Variants in RAB6A observed in about 807,000 individuals in gnomAD.
The protein encoded by RAB6A is ras-related protein Rab-6A.
Under a neutral mutation model 32.3 loss-of-function variants are expected in RAB6A, and 8 were observed. The observed-to-expected ratio is 0.25, with a 90% CI of 0.15 to 0.45. The LOEUF (loss-of-function observed/expected upper bound fraction) is 0.45. Among genes scored for constraint, RAB6A ranks in the 20% least tolerant of loss-of-function variants. RAB6A has a pLI of 1.00. For synonymous variants in RAB6A, 73 were observed against 82.1 expected (o/e 0.89, Z 0.60); for missense variants, 104 against 249.4 (o/e 0.42, Z 3.93).
chr11:73,724,349 G>T (rs1394670891), intron 2 of RAB6A, among the ~76,000 whole-genome samples: 1 of 152,088 alleles, frequency 6.6e-6, no homozygotes, highest in Non-Finnish European at 1.5e-5. Flanking sequence ...AAATTTTATA[G>T]TATATAAGTC....
intron 1 of RAB6A, among the ~76,000 whole-genome samples, chr11:73,732,683 C>A (rs1946334706): frequency 6.6e-6 from 1 of 152,172 alleles, no homozygotes; most frequent in African/African-American, 2.4e-5. Flanking sequence ...TCGCTTGAAT[C>A]TGGGAGGCAG....
chr11:73,688,493 T>C (rs1945495602), intron 6 of RAB6A, among the ~76,000 whole-genome samples: 1 of 152,212 alleles, frequency 6.6e-6, no homozygotes, highest in Admixed American at 6.5e-5. Context: ...TCTGTGTCCA[T>C]CACGTTCTGG....
chr11:73,741,061 T>C (rs1946488341), intron 1 of RAB6A, among the ~76,000 whole-genome samples: 1 of 152,132 alleles, frequency 6.6e-6, no homozygotes, highest in African/African-American at 2.4e-5. Flanking sequence ...AGATCTACAG[T>C]ATGAGTTTCC....
chr11:73,752,280 A>C (rs565149151), intron 1 of RAB6A, among the ~76,000 whole-genome samples: 51 of 152,320 alleles, frequency 3.3e-4, no homozygotes, highest in Non-Finnish European at 6.5e-4. Flanking sequence ...AAACAGTGAA[A>C]TCACGTCTCT....
intron 1 of RAB6A, among the ~76,000 whole-genome samples, chr11:73,756,444 GA>G (rs1214045024): frequency 6.6e-6 from 1 of 151,988 alleles, no homozygotes; most frequent in Non-Finnish European, 1.5e-5. Flanking sequence ...AGCATTGATG[GA>G]AAAAAAGAAA....
chr11:73,744,612 T>C (rs536837519), intron 1 of RAB6A, among the ~76,000 whole-genome samples: 29 of 151,190 alleles, frequency 1.9e-4, no homozygotes, highest in Admixed American at 1.7e-3. Context: ...CTTTTATAAT[T>C]GTATCATAAG....
chr11:73,754,294 C>T (rs1359362211), intron 1 of RAB6A, among the ~76,000 whole-genome samples: 2 of 152,192 alleles, frequency 1.3e-5, no homozygotes, highest in Non-Finnish European at 1.5e-5. Flanking sequence ...CTTGATATTA[C>T]CTAACCCAGC....
Position 73,739,263 on chromosome 11 carries a change from T to TTAAAAAA in RAB6A, c.71-8441_71-8440insTTTTTTA, listed in dbSNP as rs1555066890. Reference sequence around the variant, plus strand: ...GCAAAAAAAAAATAGTAATAATAATTAAAAAAAAAAAAAAAAAAAAAATAT... The same window carrying TTAAAAAA: ...GCAAAAAAAAAATAGTAATAATAATTTAAAAAAAAAAAAAAAAAAAAAAAAAAAATAT... On this transcript the variant is annotated intron_variant, in intron 1 of 7. Transcript: ENST00000336083. Among the ~76,000 whole-genome samples, 35 of 9,382 alleles carry TTAAAAAA rather than the reference T, an allele frequency of 3.7e-3. 4 individuals are homozygous for TTAAAAAA. The highest frequency in any genetic ancestry group is 4.9e-3 in the Non-Finnish European group (26 of 5,348). 6.2% of individuals were successfully genotyped at this position (9,382 alleles called of 152,430 possible). A position where few individuals can be genotyped will look rare whatever the true frequency, so the allele number is the denominator to read the frequency against.
chr11:73,717,320 T>G (rs1370792591), intron 4 of RAB6A, among the ~76,000 whole-genome samples: 2 of 152,354 alleles, frequency 1.3e-5, no homozygotes, highest in African/African-American at 2.4e-5. Flanking sequence ...TTTAAGATTT[T>G]TTTTAGCCCA....
intron 1 of RAB6A, among the ~76,000 whole-genome samples, chr11:73,734,229 G>A (rs928988238): frequency 1.1e-4 from 17 of 152,178 alleles, no homozygotes; most frequent in African/African-American, 3.6e-4. Flanking sequence ...GGGGTCAAGC[G>A]ATTCTCCTGC....
chr11:73,696,815 G>C (rs1257973495), intron 6 of RAB6A, among the ~76,000 whole-genome samples: 5 of 151,708 alleles, frequency 3.3e-5, no homozygotes, highest in Non-Finnish European at 7.4e-5. Context: ...TGTTGCCCAG[G>C]CTAGTCTTGA....
intron 6 of RAB6A, among the ~76,000 whole-genome samples, chr11:73,695,150 A>C (rs1188495775): frequency 6.6e-6 from 1 of 152,174 alleles, no homozygotes; most frequent in Non-Finnish European, 1.5e-5. Flanking sequence ...TCACTAACCT[A>C]AACTCAACTC....
At chr11:73,722,996 G>A (rs535521639) in intron 2 of RAB6A, among the ~76,000 whole-genome samples, 41 of 152,218 alleles carry the variant, frequency 2.7e-4, no homozygotes, top group African/African-American at 9.4e-4. Flanking sequence ...TAGTAGAGAT[G>A]GGGTTTTGTC....
intron 1 of RAB6A, among the ~76,000 whole-genome samples, chr11:73,751,473 C>A (rs986989764): frequency 6.6e-6 from 1 of 152,076 alleles, no homozygotes; most frequent in African/African-American, 2.4e-5. Flanking sequence ...CCACAGAACC[C>A]CCATTGACTT....
intron 6 of RAB6A, among the ~76,000 whole-genome samples, chr11:73,682,758 G>T (rs1279729148): frequency 6.6e-6 from 1 of 152,116 alleles, no homozygotes; most frequent in East Asian, 1.9e-4. Flanking sequence ...TGACCTCCTG[G>T]GCTGAAGTGA....
intron 5 of RAB6A, among the ~76,000 whole-genome samples, chr11:73,714,069 G>GT (rs944165325): frequency 1.3e-4 from 20 of 150,788 alleles, no homozygotes; most frequent in Admixed American, 4.0e-4. Context: ...GCAAGCTCTT[G>GT]TAATTCCAGC....
At chr11:73,695,527 G>C (rs545103603) in intron 6 of RAB6A, among the ~76,000 whole-genome samples, 1 of 152,062 alleles carries the variant, frequency 6.6e-6, no homozygotes, top group Non-Finnish European at 1.5e-5. Flanking sequence ...TTACAGGCGC[G>C]TGACACCATG....
At chr11:73,706,145 T>C (rs1201908046) in intron 6 of RAB6A, among the ~76,000 whole-genome samples, 1 of 152,160 alleles carries the variant, frequency 6.6e-6, no homozygotes, top group Admixed American at 6.5e-5. Context: ...AAAAACAATA[T>C]AAAGACTTCT....
At chr11:73,754,219 G>C (rs1054932859) in intron 1 of RAB6A, among the ~76,000 whole-genome samples, 6 of 152,080 alleles carry the variant, frequency 3.9e-5, no homozygotes, top group African/African-American at 1.4e-4. Flanking sequence ...TATGTACCAC[G>C]CAGTTTTAAG....
Sources: gnomAD v4.1 joint callset for allele counts (sites outside exome capture counted in the v4.1 genomes callset) on GRCh38, gnomAD v4.1.1 for gene constraint, MANE v1.5 for transcripts, NCBI Gene and HGNC (gene_info 2026-07-23, HGNC 2026-07-21) for gene names.